DOCK2: variants seen among roughly 807,000 people sequenced by gnomAD.
DOCK2 encodes dedicator of cytokinesis 2.
A neutral mutation model predicts 248.9 loss-of-function variants in DOCK2; 87 were observed. The ratio of observed to expected loss-of-function variants is 0.35; its 90% confidence interval spans 0.29 to 0.42. The LOEUF (loss-of-function observed/expected upper bound fraction) is 0.42, where lower values mean the gene tolerates loss of function less well. DOCK2 is among the 10% of genes least tolerant of loss of function. The pLI is 1.00. For synonymous variants in DOCK2, 805 were observed against 821.6 expected (o/e 0.98, Z 0.35); for missense variants, 1,747 against 2,300.2 (o/e 0.76, Z 4.92).
At chr5:170,061,313 T>A (rs543854404) in intron 44 of DOCK2, among the ~76,000 whole-genome samples, 2 of 152,232 alleles carry the variant, frequency 1.3e-5, no homozygotes, top group African/African-American at 4.8e-5. Context: ...AAGCTTGATT[T>A]ACGTGTAGTA....
chr5:170,082,238 A>G (rs1286907458), intron 51 of DOCK2, among the ~76,000 whole-genome samples: 1 of 152,140 alleles, frequency 6.6e-6, no homozygotes, highest in African/African-American at 2.4e-5. Context: ...CCTCAGAAGC[A>G]GTAGGTGGCC....
At position 169,702,380 on chromosome 5, in the gene DOCK2, G is replaced by A; in HGVS notation, c.1336G>A (p.Val446Met). Residue 446 changes from valine (V) to methionine (M), a missense_variant, in exon 14 of 52, where the codon GTG becomes ATG. Val to Met is a conservative substitution (Grantham distance 21). This residue lies in a region of DOCK2 where 858 missense variants were observed against 1,183.5 expected (regional missense o/e 0.72). Transcript: ENST00000520908. ...DKYNKTTQRN[V>M]EVIMCVCAED... ...GTACAACAAGACCACACAGAGGAAT[G>A]TGGAAGTCATCATGTGTGTGTGCGC... 1 of 1,614,022 alleles carries A rather than the reference G, an allele frequency of 6.2e-7. No individual in the cohort carries two copies. Among genetic ancestry groups the A allele is most frequent in the Non-Finnish European group, 8.5e-7 (1 of 1,179,910 alleles).
rs577522510 is a variant in DOCK2, at chr5:169,705,124, A to T, written c.1383+2697A>T. ...TTGCAGTGAGCTGAGATCGCACCCC[A>T]GCCACTCCAGCCTGGCCGACAAAGT... On this transcript the variant is annotated intron_variant, in intron 14 of 51. Coordinates refer to ENST00000520908, the MANE Select transcript of DOCK2 (RefSeq NM_004946.3). 5.9e-3 allele frequency among the ~76,000 whole-genome samples: 904 copies of T among 152,236 alleles called. 3 individuals carry two copies. Among genetic ancestry groups the T allele is most frequent in the Non-Finnish European group, 9.3e-3 (632 of 68,020 alleles).
chr5:169,737,366 T>C (rs1304005769), intron 22 of DOCK2, among the ~76,000 whole-genome samples: 1 of 152,098 alleles, frequency 6.6e-6, no homozygotes, highest in African/African-American at 2.4e-5. Flanking sequence ...GAACCTTGAG[T>C]GTCAGGCCAT....
At chr5:169,964,418 T>G in intron 27 of DOCK2, among the ~76,000 whole-genome samples, 1 of 152,140 alleles carries the variant, frequency 6.6e-6, no homozygotes, top group South Asian at 2.1e-4. Flanking sequence ...GCAAGTAAAA[T>G]GTTCAAGCAG....
chr5:169,718,922 C>A, intron 22 of DOCK2, 131 bp downstream of exon 22: 4 of 1,226,766 alleles, frequency 3.3e-6, no homozygotes, highest in Non-Finnish European at 3.3e-6. Context: ...CTCAAGAATC[C>A]AACCTAGAGA....
intron 24 of DOCK2, 82 bp from the exon 25 acceptor site, chr5:169,761,437 T>C (rs1253148655): frequency 1.7e-6 from 2 of 1,162,714 alleles, no homozygotes. Flanking sequence ...GAGCTAGAGG[T>C]CCAGGGATGG....
At chr5:169,880,856 G>T (rs1416198574) in intron 27 of DOCK2, among the ~76,000 whole-genome samples, 5 of 152,170 alleles carry the variant, frequency 3.3e-5, no homozygotes, top group Non-Finnish European at 5.9e-5. Context: ...CTTACTCTGT[G>T]CTAGAAGGAA....
intron 46 of DOCK2, among the ~76,000 whole-genome samples, chr5:170,074,347 C>T (rs937485118): frequency 6.6e-6 from 1 of 151,696 alleles, no homozygotes; most frequent in African/African-American, 2.4e-5. Flanking sequence ...TCTGTCTTTC[C>T]TATTGGAGAC....
intron 27 of DOCK2, among the ~76,000 whole-genome samples, chr5:169,855,516 C>G (rs1770840159): frequency 6.6e-6 from 1 of 152,002 alleles, no homozygotes; most frequent in Non-Finnish European, 1.5e-5. Flanking sequence ...TTTTTATGCT[C>G]TAGGATGGTA....
intron 9 of DOCK2, among the ~76,000 whole-genome samples, chr5:169,692,963 A>G (rs1760393112): frequency 6.6e-6 from 1 of 152,042 alleles, no homozygotes; most frequent in African/African-American, 2.4e-5. Flanking sequence ...AAATGCAGTC[A>G]TGTTGTGAGA....
At chr5:169,808,243 A>G (rs1767518076) in intron 26 of DOCK2, among the ~76,000 whole-genome samples, 1 of 152,172 alleles carries the variant, frequency 6.6e-6, no homozygotes. Context: ...GGCATTGCCC[A>G]GGGTAGAACC....
chr5:170,040,938 A>T lies in DOCK2; in HGVS notation c.3666-117A>T, dbSNP rs2113843485. 3 of 769,450 alleles carry T rather than the reference A, an allele frequency of 3.9e-6. No homozygotes were observed. The South Asian group carries it at 4.7e-5, about 12-fold the overall frequency. The allele number at this position is 769,450 out of a possible 1,614,324, so 47.7% of individuals were successfully genotyped here. A position where few individuals can be genotyped will look rare whatever the true frequency, so the allele number is the denominator to read the frequency against. ...ACAAAGTTCTGGTTATCCAGGGAGG[A>T]GGACTTTCTTGCGACCCAGAGAGGT... On this transcript the variant is annotated intron_variant, in intron 36 of 51. Coordinates refer to ENST00000520908, the MANE Select transcript of DOCK2 (RefSeq NM_004946.3).
chr5:169,692,202 A>G (rs1760344756), intron 9 of DOCK2, among the ~76,000 whole-genome samples: 1 of 152,208 alleles, frequency 6.6e-6, no homozygotes. Context: ...ATGTAAGAAG[A>G]AAGCAGCATA....
chr5:169,825,096 T>C (rs369131695), intron 26 of DOCK2, among the ~76,000 whole-genome samples: 7 of 152,194 alleles, frequency 4.6e-5, no homozygotes, highest in African/African-American at 9.6e-5. Flanking sequence ...GTTAGAATGG[T>C]GATCATTAAA....
At chr5:169,853,229 C>T (rs1770707432) in intron 27 of DOCK2, among the ~76,000 whole-genome samples, 1 of 152,182 alleles carries the variant, frequency 6.6e-6, no homozygotes, top group Non-Finnish European at 1.5e-5. Flanking sequence ...TCCAATAGGC[C>T]TCTTTGTTTT....
intron 1 of DOCK2, among the ~76,000 whole-genome samples, chr5:169,649,913 C>T (rs1431940940): frequency 6.6e-6 from 1 of 151,926 alleles, no homozygotes; most frequent in Non-Finnish European, 1.5e-5. Context: ...AAGCAATTCT[C>T]CTGCCTCAGT....
intron 15 of DOCK2, among the ~76,000 whole-genome samples, chr5:169,710,062 C>T (rs944085549): frequency 3.9e-5 from 6 of 152,190 alleles, no homozygotes; most frequent in African/African-American, 1.4e-4. Flanking sequence ...TTATGTTTCT[C>T]TTCATGAAAT....
chr5:170,046,810 C>G (rs756611827), intron 39 of DOCK2, among the ~76,000 whole-genome samples: 2 of 152,074 alleles, frequency 1.3e-5, no homozygotes, highest in Non-Finnish European at 2.9e-5. Flanking sequence ...CAAGCACACA[C>G]TAATGTATGT....
Sources: allele counts gnomAD v4.1 joint callset (sites outside exome capture counted in the v4.1 genomes callset), GRCh38; gene constraint gnomAD v4.1.1; regional missense constraint gnomAD v4.1.1; transcripts MANE v1.5; gene names NCBI Gene and HGNC (gene_info 2026-07-23, HGNC 2026-07-21).